PLAGL1: variants seen among roughly 807,000 people sequenced by gnomAD.
PLAGL1 encodes PLAG1 like zinc finger 1, also known as zinc finger protein PLAGL1.
In PLAGL1, 1 loss-of-function variant was observed where a neutral mutation model predicts 4.6. The observed-to-expected ratio is 0.22, with a 90% confidence interval of 0.08 to 1.03. PLAGL1 has a LOEUF of 1.03. Ranked by LOEUF, PLAGL1 falls within the 50% of genes least tolerant of loss-of-function variation. PLAGL1 has a pLI of 0.58. For missense variants in PLAGL1, 464 were observed against 570.4 expected (o/e 0.81, Z 1.90); for synonymous variants, 240 against 237.8 (o/e 1.01, Z -0.08).
At chr6:144,060,860 C>A (rs1799334803) in intron 1 of PLAGL1, among the ~76,000 whole-genome samples, 1 of 152,176 alleles carries the variant, frequency 6.6e-6, no homozygotes, top group Admixed American at 6.5e-5. Context: ...ACCAGAACTA[C>A]CAGCTGCAGA....
At position 144,057,419 on chromosome 6, in the gene PLAGL1, C is replaced by T. The variant is rs573853706; in HGVS notation, c.-151+7049G>A. Among the ~76,000 whole-genome samples the T allele has an allele frequency of 2.0e-5, 3 of 152,294 alleles. No homozygotes were observed. In the South Asian group the frequency reaches 6.2e-4, roughly 32 times the overall value. ...ATCACCTTTCTTCTCACCAGAGGCACCCTACATGTATACCTGGCCAAGGGC... is the reference window on the plus strand; with the variant it reads ...ATCACCTTTCTTCTCACCAGAGGCATCCTACATGTATACCTGGCCAAGGGC... On this transcript the variant is annotated intron_variant, in intron 1 of 3. Coordinates refer to the PLAGL1 transcript ENST00000437412.
chr6:144,033,495 G>A (rs1028847479), intron 1 of PLAGL1, among the ~76,000 whole-genome samples: 3 of 152,182 alleles, frequency 2.0e-5, no homozygotes, highest in African/African-American at 7.2e-5. Flanking sequence ...ATTGTCTTCA[G>A]CAAACTGAAA....
Position 143,984,014 on chromosome 6 carries a change from T to G in PLAGL1, c.-544+1121A>C, listed in dbSNP as rs1788507057. ...TAGTCTTACAGGGAAGGACAGCTCCTGAATCTTCAAGGAATAAGGAACAAT... is the reference window on the plus strand; with the variant it reads ...TAGTCTTACAGGGAAGGACAGCTCCGGAATCTTCAAGGAATAAGGAACAAT... On this transcript the variant is annotated intron_variant, in intron 2 of 7. Transcript: ENST00000674357. The surrounding 1 kb of genome is among the most constrained non-coding windows in gnomAD (Gnocchi z 5.5). 6.6e-6 allele frequency among the ~76,000 whole-genome samples: 1 copy of G among 152,152 alleles called. No individual in the cohort carries two copies. The highest frequency in any genetic ancestry group is 2.4e-5 in the African/African-American group (1 of 41,440).
chr6:143,942,377 G>A lies in PLAGL1; in HGVS notation c.439C>T (p.Pro147Ser). The change falls in exon 8 of 8, where the codon CCC becomes TCC. Residue 147 changes from proline (P) to serine (S), a missense_variant. Transcript: ENST00000674357. This position sits in a 1 kb window ranked among gnomAD's most constrained non-coding sequence, Gnocchi z 7.6. ...TTCTTTTCCTTGGTTCCGCTAGGGG[G>A]CTTCTCTTCCGCATGGGCTTTGAGG... ...DHLKAHAEEKPPSGTKEKKHQ... is the reference protein window; with the variant it reads ...DHLKAHAEEKSPSGTKEKKHQ... The A allele has an allele frequency of 1.2e-6, 2 of 1,614,176 alleles. No individual in the cohort carries two copies. The highest frequency in any genetic ancestry group is 2.2e-5 in the East Asian group (1 of 44,880).
chr6:143,978,924 G>A lies in PLAGL1; in HGVS notation c.-544+6211C>T, dbSNP rs1371296755. 6.6e-6 allele frequency among the ~76,000 whole-genome samples: 1 copy of A among 152,096 alleles called. No individual in the cohort carries two copies. Among genetic ancestry groups the A allele is most frequent in the Non-Finnish European group, 1.5e-5 (1 of 67,986 alleles). Reference sequence around the variant, plus strand: ...AGGGTGCTGAAATCTGACCACAATTGTGAATTTGTCTATTTCTTCCCATGT... The same window carrying A: ...AGGGTGCTGAAATCTGACCACAATTATGAATTTGTCTATTTCTTCCCATGT... On this transcript the variant is annotated intron_variant, in intron 2 of 7. Coordinates refer to ENST00000674357, the MANE Select transcript of PLAGL1 (RefSeq NM_001317162.2). This position sits in a 1 kb window ranked among gnomAD's most constrained non-coding sequence, Gnocchi z 4.6.
At position 143,963,259 on chromosome 6, in the gene PLAGL1, C is replaced by A. The variant is rs1783742854; in HGVS notation, c.-399+1528G>T. Among the ~76,000 whole-genome samples the A allele has an allele frequency of 1.3e-5, 2 of 152,218 alleles. No homozygotes were observed. On this transcript the variant is annotated intron_variant, in intron 5 of 7. Transcript: ENST00000674357. This position sits in a 1 kb window ranked among gnomAD's most constrained non-coding sequence, Gnocchi z 6.1. ...CCTTGAAGTCAGAAGCCTCCCAAAT[C>A]TCTATCTTCAATCCTGAACTTTCTT...
At position 143,960,612 on chromosome 6, in the gene PLAGL1, CT is replaced by C. The variant is rs1373905124; in HGVS notation, c.-398-71del. On this transcript the variant is annotated intron_variant, in intron 5 of 7. Coordinates refer to ENST00000674357, the MANE Select transcript of PLAGL1 (RefSeq NM_001317162.2). The surrounding 1 kb of genome is among the most constrained non-coding windows in gnomAD (Gnocchi z 5.7). ...AAACATTCCTCCATTATGTTACCCC[CT>C]GAACTTCACTTCTAGAGCACACACA... is the stretch of plus-strand genomic sequence containing the variant. 1 of 152,204 alleles carries C rather than the reference CT, an allele frequency of 6.6e-6. No homozygotes were observed. Among genetic ancestry groups the C allele is most frequent in the African/African-American group, 2.4e-5 (1 of 41,450 alleles). 9.4% of individuals were successfully genotyped at this position (152,204 alleles called of 1,614,324 possible). A position where few individuals can be genotyped will look rare whatever the true frequency, so the allele number is the denominator to read the frequency against.
chr6:144,047,064 T>C (rs1798213293), intron 1 of PLAGL1, among the ~76,000 whole-genome samples: 1 of 152,186 alleles, frequency 6.6e-6, no homozygotes, highest in Non-Finnish European at 1.5e-5. Flanking sequence ...AGCACAGTAT[T>C]TGGGTGGCAA....
intron 1 of PLAGL1, among the ~76,000 whole-genome samples, chr6:144,023,080 C>G (rs1469009851): frequency 6.6e-6 from 1 of 152,158 alleles, no homozygotes; most frequent in East Asian, 1.9e-4. Context: ...TTAATTCATG[C>G]AACACCATGG....
At chr6:144,030,456 G>T (rs929345094) in intron 1 of PLAGL1, among the ~76,000 whole-genome samples, 1 of 151,994 alleles carries the variant, frequency 6.6e-6, no homozygotes, top group African/African-American at 2.4e-5. Context: ...CCTGAGCAGT[G>T]TACACTTTAC....
At chr6:143,974,727 C>T (rs181213502) in intron 2 of PLAGL1, among the ~76,000 whole-genome samples, 28 of 152,254 alleles carry the variant, frequency 1.8e-4, no homozygotes, top group African/African-American at 6.3e-4. Context: ...AATTCCTTGA[C>T]GCAGTACTAT....
chr6:143,977,467 CTTCTTTTTTTTTT>C (rs1235768587), intron 2 of PLAGL1, among the ~76,000 whole-genome samples: 1 of 82,846 alleles, frequency 1.2e-5, no homozygotes. Context: ...TCTTCTTCTT[CTTCTTTTTTTTTT>C]TTTTTTTTTT....
At chr6:144,046,433 C>T (rs1465349503) in intron 1 of PLAGL1, among the ~76,000 whole-genome samples, 1 of 152,188 alleles carries the variant, frequency 6.6e-6, no homozygotes, top group African/African-American at 2.4e-5. Context: ...TTCCTTCTAA[C>T]AGTCAGGTCT....
At chr6:143,943,424 G>A (rs1275741115) in intron 7 of PLAGL1, among the ~76,000 whole-genome samples, 1 of 152,070 alleles carries the variant, frequency 6.6e-6, no homozygotes, top group African/African-American at 2.4e-5. Flanking sequence ...TAACTCTTAG[G>A]AGCCTCTTAA....
At chr6:144,011,648 GT>G (rs1280118372), upstream of PLAGL1, among the ~76,000 whole-genome samples, 1 of 152,118 alleles carries the variant, frequency 6.6e-6, no homozygotes, top group Non-Finnish European at 1.5e-5. This position sits in a 1 kb window ranked among gnomAD's most constrained non-coding sequence, Gnocchi z 4.3. Context: ...GCTGAATGTT[GT>G]TTCTATCTAC....
rs1302767564 is a variant in PLAGL1 at position 143,990,644 on chromosome 6, A to G, written c.-583-5470T>C. Among the ~76,000 whole-genome samples the G allele has an allele frequency of 6.6e-6, 1 of 152,188 alleles. No individual in the cohort carries two copies. Among genetic ancestry groups the G allele is most frequent in the Non-Finnish European group, 1.5e-5 (1 of 68,030 alleles). On this transcript the variant is annotated intron_variant, in intron 1 of 7. Transcript: ENST00000674357. This position sits in a 1 kb window ranked among gnomAD's most constrained non-coding sequence, Gnocchi z 5.4. The stretch of plus-strand genomic sequence containing the variant: ...AGCAATTCTTATTATCCTCATTTTA[A>G]AAACCAGGACACTGAGGCTCAAGAG...
At position 144,061,249 on chromosome 6, in the gene PLAGL1, G is replaced by A. The variant is rs1799374229; in HGVS notation, c.-151+3219C>T. Among the ~76,000 whole-genome samples the A allele has an allele frequency of 6.6e-6, 1 of 152,168 alleles. No homozygotes were observed. Among genetic ancestry groups the A allele is most frequent in the Non-Finnish European group, 1.5e-5 (1 of 68,030 alleles). On this transcript the variant is annotated intron_variant, in intron 1 of 3. Coordinates refer to the PLAGL1 transcript ENST00000437412. The surrounding 1 kb of genome is among the most constrained non-coding windows in gnomAD (Gnocchi z 4.4). ...ACACGCAGGACTAAATTCCAAAAGG[G>A]AGCCTCTCATTTCACTTCAGTTACC...
At chr6:144,054,776 AGTGTGTGTGTGTGTGTGT>A (rs55975441) in intron 1 of PLAGL1, among the ~76,000 whole-genome samples, 19 of 142,182 alleles carry the variant, frequency 1.3e-4, no homozygotes, top group Non-Finnish European at 2.9e-4. Flanking sequence ...ACTAAAAAAG[AGTGTGTGTGTGTGTGTGT>A]GTGTGTGTGT....
intron 1 of PLAGL1, among the ~76,000 whole-genome samples, chr6:144,047,147 A>T (rs1431556916): frequency 6.6e-6 from 1 of 152,162 alleles, no homozygotes; most frequent in Non-Finnish European, 1.5e-5. Context: ...AACCCCTTGC[A>T]CTTCCCGGGT....
Sources: allele counts gnomAD v4.1 joint callset (sites outside exome capture counted in the v4.1 genomes callset), GRCh38; gene constraint gnomAD v4.1.1; non-coding constraint Gnocchi (gnomAD v3.1); transcripts MANE v1.5; gene names NCBI Gene and HGNC (gene_info 2026-07-23, HGNC 2026-07-21).